The following RARB variants were observed in gnomAD, a reference collection of about 807,000 sequenced individuals.
RARB encodes HBV-activated protein.
RARB carries 17 observed loss-of-function variants against 51.9 expected under a neutral mutation model. The ratio of observed to expected loss-of-function variants is 0.33; its 90% CI spans 0.22 to 0.49. The LOEUF (loss-of-function observed/expected upper bound fraction) is 0.49, where lower values mean the gene tolerates loss of function less well. Among genes scored for constraint, RARB ranks in the 20% least tolerant of loss-of-function variants. The pLI is 0.99. For synonymous variants in RARB, 215 were observed against 195.4 expected, an observed-to-expected ratio of 1.10 and a Z score of -0.84; for missense variants, 369 against 550.8, an observed-to-expected ratio of 0.67 and a Z score of 3.30.
intron 3 of RARB, among the ~76,000 whole-genome samples, chr3:25,085,275 A>T (rs1273730235): frequency 6.6e-6 from 1 of 152,208 alleles, no homozygotes; most frequent in African/African-American, 2.4e-5. Flanking sequence ...TAAAATGGTA[A>T]CACATCCTAC....
At chr3:25,266,336 A>G (rs1033912118) in intron 5 of RARB, among the ~76,000 whole-genome samples, 1 of 152,180 alleles carries the variant, frequency 6.6e-6, no homozygotes, top group African/African-American at 2.4e-5. Context: ...TGATTATACT[A>G]TGCAGGCATC....
intron 2 of RARB, among the ~76,000 whole-genome samples, chr3:24,924,824 T>C (rs1425975272): frequency 6.6e-6 from 1 of 152,126 alleles, no homozygotes; most frequent in Non-Finnish European, 1.5e-5. Context: ...TCTTAACCTC[T>C]TGTGAGGTAA....
chr3:24,886,561 C>T (rs1409104313), intron 2 of RARB, among the ~76,000 whole-genome samples: 1 of 151,702 alleles, frequency 6.6e-6, no homozygotes, highest in Admixed American at 6.6e-5. Context: ...TCTTTCTCCT[C>T]AGTCTCCTGA....
intron 2 of RARB, among the ~76,000 whole-genome samples, chr3:24,899,568 C>T (rs917403889): frequency 6.6e-6 from 1 of 152,086 alleles, no homozygotes; most frequent in African/African-American, 2.4e-5. Flanking sequence ...TTGATTAGGA[C>T]CCAGAGGAGT....
At chr3:24,914,992 A>G (rs1005362480) in intron 2 of RARB, among the ~76,000 whole-genome samples, 2 of 152,226 alleles carry the variant, frequency 1.3e-5, no homozygotes, top group African/African-American at 2.4e-5. Flanking sequence ...CATACATAGC[A>G]TTATAGAGAT....
chr3:25,296,019 G>A (rs1442296872), intron 5 of RARB, among the ~76,000 whole-genome samples: 2 of 152,104 alleles, frequency 1.3e-5, no homozygotes, highest in Admixed American at 6.6e-5. Flanking sequence ...AAATTTTCAT[G>A]GTTTTCTATA....
At position 25,134,952 on chromosome 3, in the gene RARB, A is replaced by G. The variant is rs146007362; in HGVS notation, c.-280+2744A>G. Among the ~76,000 whole-genome samples the G allele has an allele frequency of 1.1e-3, 165 of 152,130 alleles. 5 individuals carry two copies. The East Asian group carries it at 0.024, about 22-fold the overall frequency. ...ATTTCAAAGTTACTAATATATGAAG[A>G]TTAAACGCTACTTATGATGCCACTG... is the stretch of plus-strand genomic sequence containing the variant. On this transcript the variant is annotated intron_variant, in intron 4 of 11. Coordinates refer to the RARB transcript ENST00000383772.
At chr3:25,095,052 C>T (rs1699270099) in intron 3 of RARB, among the ~76,000 whole-genome samples, 1 of 152,176 alleles carries the variant, frequency 6.6e-6, no homozygotes, top group Non-Finnish European at 1.5e-5. Context: ...GCTCTTCCTC[C>T]TTCTGGCCTC....
intron 3 of RARB, among the ~76,000 whole-genome samples, chr3:25,100,283 A>G (rs769502279): frequency 5.3e-5 from 8 of 152,208 alleles, no homozygotes; most frequent in Non-Finnish European, 1.0e-4. Context: ...ATATACAGAG[A>G]TTTTAAATGT....
intron 5 of RARB, among the ~76,000 whole-genome samples, chr3:25,187,343 G>A (rs531616766): frequency 1.3e-5 from 2 of 152,150 alleles, no homozygotes; most frequent in South Asian, 4.2e-4. Flanking sequence ...AAGATAACAG[G>A]TACTTCTTGG....
intron 3 of RARB, among the ~76,000 whole-genome samples, chr3:25,104,651 A>G (rs999509539): frequency 6.6e-6 from 1 of 152,102 alleles, no homozygotes; most frequent in African/African-American, 2.4e-5. Context: ...CACAAAAGAG[A>G]AAAGAAAAAA....
intron 3 of RARB, among the ~76,000 whole-genome samples, chr3:25,519,870 A>G (rs892582243): frequency 2.0e-5 from 3 of 152,186 alleles, no homozygotes; most frequent in Non-Finnish European, 2.9e-5. Flanking sequence ...TGAGGCCAAT[A>G]CTGTTTTTGC....
chr3:25,332,011 T>C (rs1460389084), intron 5 of RARB, among the ~76,000 whole-genome samples: 1 of 151,884 alleles, frequency 6.6e-6, no homozygotes, highest in Non-Finnish European at 1.5e-5. Context: ...AATAACAGGG[T>C]CTGAAATTGA....
At chr3:25,333,804 C>G (rs150145289) in intron 5 of RARB, among the ~76,000 whole-genome samples, 236 of 152,328 alleles carry the variant, frequency 1.5e-3, no homozygotes, top group African/African-American at 5.6e-3. Context: ...TGTCCAGAAT[C>G]TACAAAGAAC....
intron 2 of RARB, among the ~76,000 whole-genome samples, chr3:24,880,519 T>C (rs1575051136): frequency 6.6e-6 from 1 of 152,276 alleles, no homozygotes; most frequent in African/African-American, 2.4e-5. Context: ...CTTAATGATA[T>C]GTAAAGAGAT....
chr3:24,865,891 AAC>A (rs966325640), intron 2 of RARB, among the ~76,000 whole-genome samples: 9 of 152,232 alleles, frequency 5.9e-5, no homozygotes, highest in African/African-American at 1.9e-4. Flanking sequence ...ATTTTTTTCA[AAC>A]ACTTGTGAAA....
chr3:25,163,504 A>AAAAAAAAAAAAAAAAAATAT (rs1303712411), intron 4 of RARB, among the ~76,000 whole-genome samples: 4 of 131,122 alleles, frequency 3.1e-5, no homozygotes, highest in African/African-American at 1.3e-4. Flanking sequence ...CCTATCTCAA[A>AAAAAAAAAAAAAAAAAATAT]ATATATATAT....
chr3:25,265,844 C>T (rs1396201922), intron 5 of RARB, among the ~76,000 whole-genome samples: 1 of 152,136 alleles, frequency 6.6e-6, no homozygotes, highest in African/African-American at 2.4e-5. Context: ...ATGAAGGTGT[C>T]AGCAGGGCTG....
chr3:25,030,009 C>G (rs370874810), intron 2 of RARB, among the ~76,000 whole-genome samples: 5 of 152,154 alleles, frequency 3.3e-5, no homozygotes, highest in African/African-American at 1.2e-4. Flanking sequence ...GTTATAGTGC[C>G]GTTGGAAAGC....
Sources: allele counts gnomAD v4.1 joint callset (sites outside exome capture counted in the v4.1 genomes callset), GRCh38; gene constraint gnomAD v4.1.1; transcripts MANE v1.5; gene names NCBI Gene and HGNC (gene_info 2026-07-23, HGNC 2026-07-21).